Variants in TJP1 observed in about 807,000 individuals in gnomAD.
The protein encoded by TJP1 is tight junction protein 1.
A neutral mutation model predicts 194.2 loss-of-function variants in TJP1; 43 were observed. That is an observed-to-expected ratio of 0.22 (90% CI 0.17 to 0.29). The LOEUF is 0.29. Among genes scored for constraint, TJP1 ranks in the 10% least tolerant of loss-of-function variants. The probability of loss-of-function intolerance (pLI) is 1.00; values close to 1 mark genes in which losing one functional copy is unlikely to be tolerated. For synonymous variants in TJP1, 801 were observed against 779.0 expected, an observed-to-expected ratio of 1.03 and a Z score of -0.47; for missense variants, 1,971 against 2,185.7, an observed-to-expected ratio of 0.90 and a Z score of 1.96.
Position 29,720,472 on chromosome 15 carries a change from C to T in TJP1, c.2649G>A (p.Glu883=). ...AITRSSEPVR[E]DSSGMHHENQ... is the part of the protein sequence containing the mutation. ...TTTCATGATGCATTCCAGAGGAGTC[C>T]TCTCTTACAGGCTCAGAGGACCGTG... is the stretch of plus-strand genomic sequence containing the variant. Residue 883 remains glutamate, a synonymous_variant, in exon 19 of 28, where the codon GAG becomes GAA. Coordinates refer to ENST00000614355, the MANE Select transcript of TJP1 (RefSeq NM_001330239.4). The T allele has an allele frequency of 6.2e-7, 1 of 1,614,092 alleles. No homozygotes were observed. The highest frequency in any genetic ancestry group is 8.5e-7 in the Non-Finnish European group (1 of 1,180,032).
chr15:29,763,491 T>A (rs796655886), intron 5 of TJP1, among the ~76,000 whole-genome samples: 14 of 152,282 alleles, frequency 9.2e-5, no homozygotes, highest in African/African-American at 3.1e-4. Context: ...AAGAGTAGGC[T>A]GGGCATGGTG....
intron 2 of TJP1, among the ~76,000 whole-genome samples, chr15:29,952,278 A>C (rs575517887): frequency 3.3e-5 from 5 of 152,314 alleles, no homozygotes; most frequent in African/African-American, 9.6e-5. Context: ...TGCCTAAGAG[A>C]ATTTTACCAA....
intron 2 of TJP1, among the ~76,000 whole-genome samples, chr15:29,887,281 A>AT (rs201126492): frequency 0.024 from 3,526 of 148,108 alleles, 60 homozygotes; most frequent in Middle Eastern, 0.043. Flanking sequence ...ATACATATAT[A>AT]ATATAAATAT....
chr15:29,742,142 A>G (rs746768033), intron 9 of TJP1, among the ~76,000 whole-genome samples: 3 of 151,994 alleles, frequency 2.0e-5, no homozygotes, highest in Admixed American at 6.6e-5. Context: ...GCACACCTGT[A>G]ATAGGGAGGA....
intron 8 of TJP1, among the ~76,000 whole-genome samples, chr15:29,753,106 T>C (rs913899492): frequency 6.6e-6 from 1 of 152,102 alleles, no homozygotes; most frequent in Non-Finnish European, 1.5e-5. Flanking sequence ...CTAACGAAAA[T>C]TTACTTTTTG....
intron 1 of TJP1, among the ~76,000 whole-genome samples, chr15:29,963,358 A>G (rs1426010345): frequency 1.3e-5 from 2 of 152,190 alleles, no homozygotes; most frequent in African/African-American, 4.8e-5. Context: ...GATCAATTGT[A>G]TGAGTCTGAG....
chr15:29,808,549 T>G (rs1440178665), intron 1 of TJP1, among the ~76,000 whole-genome samples: 1 of 152,180 alleles, frequency 6.6e-6, no homozygotes. Flanking sequence ...TGCAATGGAT[T>G]AAAATAAATC....
At chr15:29,867,795 C>T (rs1309833817) in intron 2 of TJP1, among the ~76,000 whole-genome samples, 1 of 152,102 alleles carries the variant, frequency 6.6e-6, no homozygotes, top group African/African-American at 2.4e-5. Context: ...GTGGTTCATG[C>T]CTGTAATTCC....
chr15:29,720,254 T>C (rs1169323518), intron 19 of TJP1, 104 bp downstream of exon 19: 17 of 1,189,366 alleles, frequency 1.4e-5, no homozygotes, highest in Non-Finnish European at 2.0e-5. Context: ...AGATTAATTC[T>C]TAATCTGGAG....
intron 2 of TJP1, among the ~76,000 whole-genome samples, chr15:29,857,614 C>T (rs1596119561): frequency 6.6e-6 from 1 of 152,140 alleles, no homozygotes; most frequent in East Asian, 1.9e-4. Flanking sequence ...GAACTGAATA[C>T]TGATGTCATG....
intron 2 of TJP1, among the ~76,000 whole-genome samples, chr15:29,886,458 C>T (rs2053117726): frequency 6.6e-6 from 1 of 150,960 alleles, no homozygotes; most frequent in Non-Finnish European, 1.5e-5. Context: ...TAATTTACAG[C>T]TGAGGGTCCC....
chr15:29,852,066 A>G (rs993991207), intron 2 of TJP1, among the ~76,000 whole-genome samples: 4 of 152,238 alleles, frequency 2.6e-5, no homozygotes, highest in Non-Finnish European at 5.9e-5. Flanking sequence ...CAAGCTAGGC[A>G]AAAATTTCTT....
chr15:29,939,912 T>C (rs2055009794), intron 2 of TJP1, among the ~76,000 whole-genome samples: 1 of 152,058 alleles, frequency 6.6e-6, no homozygotes, highest in Non-Finnish European at 1.5e-5. Flanking sequence ...GAAATAAACT[T>C]CTGTTGTTTA....
intron 2 of TJP1, among the ~76,000 whole-genome samples, chr15:29,857,115 C>T (rs1279204513): frequency 1.3e-5 from 2 of 152,030 alleles, no homozygotes; most frequent in Non-Finnish European, 2.9e-5. Flanking sequence ...GACAATCCCC[C>T]ATATATACCA....
intron 8 of TJP1, among the ~76,000 whole-genome samples, chr15:29,748,925 T>TGA (rs1340701725): frequency 3.5e-5 from 1 of 28,416 alleles, no homozygotes; most frequent in East Asian, 4.0e-3. Flanking sequence ...CTTAAAAATG[T>TGA]GTGTGTGTGT....
intron 2 of TJP1, among the ~76,000 whole-genome samples, chr15:29,946,807 T>C (rs2055300417): frequency 6.6e-6 from 1 of 152,206 alleles, no homozygotes; most frequent in Non-Finnish European, 1.5e-5. Context: ...AATCTAATTT[T>C]ATGGCACATA....
intron 19 of TJP1, 137 bp from the exon 20 acceptor site, chr15:29,720,153 T>A (rs1192766227): frequency 1.1e-5 from 14 of 1,292,070 alleles, no homozygotes; most frequent in Non-Finnish European, 1.3e-5. Flanking sequence ...CTAAACTTTT[T>A]GGGAAAAAAA....
chr15:29,794,796 A>C (rs2048301108), intron 2 of TJP1, among the ~76,000 whole-genome samples: 1 of 152,208 alleles, frequency 6.6e-6, no homozygotes, highest in Non-Finnish European at 1.5e-5. Context: ...CTAATGAATA[A>C]TCTCGCTTCC....
At chr15:29,889,198 T>C (rs1006507050) in intron 2 of TJP1, among the ~76,000 whole-genome samples, 1 of 152,250 alleles carries the variant, frequency 6.6e-6, no homozygotes, top group South Asian at 2.1e-4. Context: ...CCTGTCATAA[T>C]GTTCTTATCA....
Sources: allele counts gnomAD v4.1 joint callset (sites outside exome capture counted in the v4.1 genomes callset), GRCh38; gene constraint gnomAD v4.1.1; transcripts MANE v1.5; gene names NCBI Gene and HGNC (gene_info 2026-07-23, HGNC 2026-07-21).